PDE4B: variants seen among roughly 807,000 people sequenced by gnomAD.
PDE4B encodes the protein phosphodiesterase 4B.
A neutral mutation model predicts 82.2 loss-of-function variants in PDE4B; 20 were observed. The ratio of observed to expected loss-of-function variants is 0.24; its 90% CI spans 0.17 to 0.35. PDE4B has a LOEUF of 0.35. PDE4B is among the 10% of genes least tolerant of loss of function. The pLI is 1.00. For missense variants in PDE4B, 655 were observed against 907.2 expected (o/e 0.72, Z 3.57); for synonymous variants, 320 against 318.9 (o/e 1.00, Z -0.04).
intron 1 of PDE4B, among the ~76,000 whole-genome samples, chr1:65,865,429 C>CGGGGA (rs1399802676): frequency 3.7e-5 from 5 of 135,226 alleles, no homozygotes; most frequent in Non-Finnish European, 7.9e-5. Context: ...TGGGGGGTGG[C>CGGGGA]GGGGAGGGGA....
intron 1 of PDE4B, among the ~76,000 whole-genome samples, chr1:65,843,024 A>C (rs559191203): frequency 1.3e-5 from 2 of 152,262 alleles, no homozygotes; most frequent in South Asian, 2.1e-4. Flanking sequence ...GGGGATAACT[A>C]TCAAATGTGT....
At chr1:66,244,330 C>A (rs949176597) in intron 3 of PDE4B, among the ~76,000 whole-genome samples, 32 of 152,110 alleles carry the variant, frequency 2.1e-4, no homozygotes, top group Admixed American at 1.6e-3. Flanking sequence ...TCTTATATTT[C>A]TTTTATAATG....
intron 3 of PDE4B, among the ~76,000 whole-genome samples, chr1:66,200,413 C>G (rs569795708): frequency 4.9e-4 from 74 of 152,078 alleles, no homozygotes; most frequent in Non-Finnish European, 7.8e-4. Context: ...GGGGATGGCA[C>G]TGAATCTATA....
At chr1:66,369,424 G>A (rs1663510716) in intron 16 of PDE4B, among the ~76,000 whole-genome samples, 2 of 152,186 alleles carry the variant, frequency 1.3e-5, no homozygotes, top group Admixed American at 1.3e-4. Flanking sequence ...CATAGTCAAA[G>A]CCCTGTCTTG....
chr1:66,179,840 C>A (rs553862), intron 3 of PDE4B, among the ~76,000 whole-genome samples: 30,339 of 152,072 alleles, frequency 0.2, 3,166 homozygotes, highest in African/African-American at 0.24. Flanking sequence ...GATTCTAGAA[C>A]TTCTAGAATC....
intron 3 of PDE4B, among the ~76,000 whole-genome samples, chr1:65,983,412 G>A (rs777811093): frequency 6.6e-6 from 1 of 152,134 alleles, no homozygotes; most frequent in Non-Finnish European, 1.5e-5. Context: ...ACGTTTATGG[G>A]TTTGTGTCCT....
intron 1 of PDE4B, among the ~76,000 whole-genome samples, chr1:65,880,528 G>A (rs1178383460): frequency 1.3e-5 from 2 of 152,148 alleles, no homozygotes; most frequent in African/African-American, 2.4e-5. Context: ...ATGATTAGGT[G>A]ATGAGGATGC....
At chr1:65,893,848 C>T (rs2100395169) in intron 1 of PDE4B, among the ~76,000 whole-genome samples, 1 of 151,992 alleles carries the variant, frequency 6.6e-6, no homozygotes, top group East Asian at 1.9e-4. Context: ...TTTGCAGCAA[C>T]TTGGATGGAT....
At chr1:66,362,062 T>C (rs987282607) in intron 10 of PDE4B, among the ~76,000 whole-genome samples, 7 of 152,136 alleles carry the variant, frequency 4.6e-5, no homozygotes, top group Non-Finnish European at 1.0e-4. Context: ...TGTTGGGGCA[T>C]CTGATGGAAG....
chr1:65,938,788 G>A (rs1367053913), intron 3 of PDE4B, among the ~76,000 whole-genome samples: 5 of 152,164 alleles, frequency 3.3e-5, no homozygotes, highest in African/African-American at 1.2e-4. Context: ...TGGTTGGAGA[G>A]CTGTATTAGT....
chr1:66,129,212 A>G (rs566681790), intron 3 of PDE4B, among the ~76,000 whole-genome samples: 4 of 152,222 alleles, frequency 2.6e-5, no homozygotes, highest in Admixed American at 6.5e-5. Flanking sequence ...ACAATAGAAT[A>G]AAATAATAAA....
At chr1:65,864,396 T>C (rs1301030696) in intron 1 of PDE4B, among the ~76,000 whole-genome samples, 9 of 152,130 alleles carry the variant, frequency 5.9e-5, no homozygotes, top group Admixed American at 5.9e-4. Flanking sequence ...TCCAGTTTTG[T>C]GCCCTTGCTG....
At chr1:65,794,974 G>C (rs1420010053) in intron 1 of PDE4B, among the ~76,000 whole-genome samples, 2 of 152,138 alleles carry the variant, frequency 1.3e-5, no homozygotes, top group Non-Finnish European at 2.9e-5. Flanking sequence ...TTTCTCTAGA[G>C]AGTAACCTGT....
intron 1 of PDE4B, among the ~76,000 whole-genome samples, chr1:65,809,056 C>T (rs1023056386): frequency 1.3e-5 from 2 of 151,810 alleles, no homozygotes; most frequent in Non-Finnish European, 1.5e-5. Context: ...ATGGGCTGGG[C>T]GTGGTAGCTC....
At chr1:66,307,618 A>G (rs1195263125) in intron 7 of PDE4B, among the ~76,000 whole-genome samples, 3 of 152,158 alleles carry the variant, frequency 2.0e-5, no homozygotes, top group Non-Finnish European at 4.4e-5. Context: ...GAATCAGTAG[A>G]GAGATGTAAA....
intron 1 of PDE4B, among the ~76,000 whole-genome samples, chr1:65,831,658 C>T (rs1646083007): frequency 6.6e-6 from 1 of 151,656 alleles, no homozygotes; most frequent in Admixed American, 6.6e-5. Flanking sequence ...GTAGCACTTT[C>T]CAACTCATTT....
At chr1:65,911,799 G>C (rs1442039781) in intron 1 of PDE4B, among the ~76,000 whole-genome samples, 1 of 152,098 alleles carries the variant, frequency 6.6e-6, no homozygotes, top group African/African-American at 2.4e-5. Context: ...TAAAGGCAAA[G>C]TTTCTCCCTT....
intron 3 of PDE4B, among the ~76,000 whole-genome samples, chr1:66,224,505 G>C (rs1047962722): frequency 6.6e-6 from 1 of 152,148 alleles, no homozygotes; most frequent in Non-Finnish European, 1.5e-5. Flanking sequence ...GATCATCTGA[G>C]GTCAGGAGTT....
chr1:66,299,489 A>G (rs528645048), intron 7 of PDE4B, among the ~76,000 whole-genome samples: 126 of 152,082 alleles, frequency 8.3e-4, no homozygotes, highest in Non-Finnish European at 1.2e-3. Flanking sequence ...GGCTAATTCC[A>G]TATCTTGGCT....
Sources: gnomAD v4.1 joint callset for allele counts (sites outside exome capture counted in the v4.1 genomes callset) on GRCh38, gnomAD v4.1.1 for gene constraint, MANE v1.5 for transcripts, NCBI Gene and HGNC (gene_info 2026-07-23, HGNC 2026-07-21) for gene names.